ZNF254: variants seen among roughly 807,000 people sequenced by gnomAD.
The protein encoded by ZNF254 is CTD-2017D11.1.
ZNF254 carries 10 observed loss-of-function variants against 12.4 expected under a neutral mutation model. The ratio of observed to expected loss-of-function variants is 0.80; its 90% CI spans 0.50 to 1.36. ZNF254 has a LOEUF of 1.36. ZNF254 is among the 40% of genes most tolerant of loss of function. ZNF254 has a pLI of 0.00. For synonymous variants in ZNF254, 305 were observed against 253.4 expected, an observed-to-expected ratio of 1.20 and a Z score of -1.93; for missense variants, 996 against 763.9, an observed-to-expected ratio of 1.30 and a Z score of -3.58.
intron 2 of ZNF254, among the ~76,000 whole-genome samples, chr19:24,072,357 AGATG>A (rs1005618845): frequency 2.6e-5 from 4 of 151,902 alleles, no homozygotes; most frequent in African/African-American, 9.7e-5. Flanking sequence ...TTTTTCGTAG[AGATG>A]GGGTTTCGCC....
upstream of ZNF254, among the ~76,000 whole-genome samples, chr19:24,083,572 G>T (rs1205469117): frequency 6.6e-6 from 1 of 152,120 alleles, no homozygotes; most frequent in Admixed American, 6.6e-5. Flanking sequence ...TATAAAAATT[G>T]TAGAAGGTAA....
rs140185339 is a variant in ZNF254, at chr19:24,127,233, C to A, written c.1233C>A (p.Cys411Ter). The A allele has an allele frequency of 2.5e-6, 4 of 1,609,746 alleles. No individual in the cohort carries two copies. Among genetic ancestry groups the A allele is most frequent in the Non-Finnish European group, 3.4e-6 (4 of 1,178,690 alleles). Residue 411 changes from cysteine to a stop codon, truncating the protein, a stop_gained, in exon 4 of 4, where the codon TGC becomes TGA. Coordinates refer to ENST00000357002, the MANE Select transcript of ZNF254 (RefSeq NM_203282.4). LOFTEE classifies it low-confidence loss of function (END_TRUNC). Reference protein sequence around the residue: ...VGEKLYKCEECGKGFNRSSNL... With the variant: ...VGEKLYKCEE ...AGAAACTCTACAAATGTGAAGAATG[C>A]GGCAAAGGTTTTAATCGATCTTCAA...
At chr19:24,103,620 C>T (rs1489870638) in intron 1 of ZNF254, 8 of 152,198 alleles carry the variant, frequency 5.3e-5, no homozygotes, top group African/African-American at 1.9e-4. Flanking sequence ...AAGATACATT[C>T]ATTGAGTTAA....
chr19:24,084,694 C>T (rs889017723), upstream of ZNF254, among the ~76,000 whole-genome samples: 1 of 152,050 alleles, frequency 6.6e-6, no homozygotes, highest in African/African-American at 2.4e-5. Flanking sequence ...GTGGCTTAAT[C>T]AGGGCTCATT....
chr19:24,096,513 G>T (rs769439157), intron 1 of ZNF254, among the ~76,000 whole-genome samples: 3 of 152,080 alleles, frequency 2.0e-5, no homozygotes, highest in Admixed American at 6.6e-5. Flanking sequence ...TTCAGCTGTG[G>T]TCTATGTGTT....
intron 2 of ZNF254, among the ~76,000 whole-genome samples, chr19:24,064,169 A>G (rs1040128455): frequency 1.3e-5 from 2 of 152,096 alleles, no homozygotes; most frequent in Admixed American, 6.6e-5. Context: ...GCCACGTGAC[A>G]TAGCTCCTAT....
At position 24,126,695 on chromosome 19, in the gene ZNF254, A is replaced by G. The variant is rs954349732; in HGVS notation, c.695A>G (p.Tyr232Cys). ...ACCCTTACTAATCATAGGAAAATTT[A>G]TACTGAAGAGAAACCTTACAAATGT... ...SSTLTNHRKI[Y>C]TEEKPYKCEE... The change falls in exon 4 of 4, where the codon TAT (tyrosine) becomes TGT (cysteine). Residue 232 changes from tyrosine (Y) to cysteine (C), a missense_variant. By Grantham distance (194) the Tyr-to-Cys change is radical. Coordinates refer to ENST00000357002, the MANE Select transcript of ZNF254 (RefSeq NM_203282.4). The G allele has an allele frequency of 6.2e-6, 10 of 1,613,472 alleles. No individual in the cohort carries two copies. Among genetic ancestry groups the G allele is most frequent in the Admixed American group, 3.3e-5 (2 of 59,880 alleles).
At chr19:24,079,049 T>G (rs1971757026) in intron 2 of ZNF254, 1 of 152,174 alleles carries the variant, frequency 6.6e-6, no homozygotes, top group Admixed American at 6.5e-5. Flanking sequence ...AAATTGCCTC[T>G]AACGGATATT....
Position 24,127,607 on chromosome 19 carries a change from A to T in ZNF254, c.1607A>T (p.His536Leu), listed in dbSNP as rs145771489. 4 of 1,608,254 alleles carry T rather than the reference A, an allele frequency of 2.5e-6. No homozygotes were observed. The Admixed American group carries it at 6.8e-5, about 27-fold the overall frequency. ...AFNWSSTLTK[H>L]KIIHTEEKPY... ...AACTGGTCCTCAACTCTTACTAAACATAAGATAATTCATACTGAAGAGAAA... is the reference window on the plus strand; with the variant it reads ...AACTGGTCCTCAACTCTTACTAAACTTAAGATAATTCATACTGAAGAGAAA... The change falls in exon 4 of 4, where the codon CAT becomes CTT. Residue 536 changes from histidine (H) to leucine (L), a missense_variant. Transcript: ENST00000357002.
At chr19:24,058,413 C>CTTT (rs574813499) in intron 2 of ZNF254, among the ~76,000 whole-genome samples, 2 of 123,896 alleles carry the variant, frequency 1.6e-5, no homozygotes, top group Non-Finnish European at 3.5e-5. Context: ...TTCTTTCTTT[C>CTTT]TTTTTTTTTT....
chr19:24,061,871 G>T (rs1231827143), intron 2 of ZNF254, among the ~76,000 whole-genome samples: 1 of 152,106 alleles, frequency 6.6e-6, no homozygotes, highest in Non-Finnish European at 1.5e-5. Flanking sequence ...ATCACCTGAT[G>T]TCGGGAGTTC....
intron 1 of ZNF254, among the ~76,000 whole-genome samples, chr19:24,043,121 G>A (rs918988236): frequency 4.6e-5 from 7 of 151,846 alleles, no homozygotes; most frequent in Admixed American, 3.9e-4. Context: ...TATCAGTTTT[G>A]TAGGTTTTTA....
chr19:24,069,779 C>A (rs1430403188), intron 2 of ZNF254, among the ~76,000 whole-genome samples: 1 of 151,738 alleles, frequency 6.6e-6, no homozygotes, highest in African/African-American at 2.4e-5. Flanking sequence ...GGTAAAACCC[C>A]ATCTCTACTA....
At position 24,124,230 on chromosome 19, in the gene ZNF254, A is replaced by C. The variant is rs561583964; in HGVS notation, c.254-2024A>C. On this transcript the variant is annotated intron_variant, in intron 3 of 3. Transcript: ENST00000357002. ...TGGTAAATAAACTTAAGTTGCGTAC[A>C]AAAATTTGTTCTTATTATACCTTCC... Among the ~76,000 whole-genome samples, 475 of 152,048 alleles carry C rather than the reference A, an allele frequency of 3.1e-3. 5 individuals carry two copies. Among genetic ancestry groups the C allele is most frequent in the Non-Finnish European group, 4.6e-3 (312 of 67,980 alleles).
intron 1 of ZNF254, chr19:24,105,729 T>C (rs1289713989): frequency 1.4e-5 from 9 of 650,122 alleles, no homozygotes; most frequent in Non-Finnish European, 4.6e-6. Context: ...GTATCACATA[T>C]ACACTGATGT....
At position 24,129,942 on chromosome 19, in the gene ZNF254, TA is replaced by T. The variant is rs1304572874; in HGVS notation, c.*1965del. 1 of 152,092 alleles carries T rather than the reference TA, an allele frequency of 6.6e-6. No homozygotes were observed. Among genetic ancestry groups the T allele is most frequent in the Non-Finnish European group, 1.5e-5 (1 of 68,008 alleles). 9.4% of individuals were successfully genotyped at this position (152,092 alleles called of 1,614,324 possible). On this transcript the variant is annotated 3_prime_UTR_variant, in exon 4 of 4. Coordinates refer to ENST00000357002, the MANE Select transcript of ZNF254 (RefSeq NM_203282.4). Reference sequence around the variant, plus strand: ...CATAAAATTAAATATATACTTCTATTAAAGATAAACCTTAGGTGTAAATAAA... The same window carrying T: ...CATAAAATTAAATATATACTTCTATTAAGATAAACCTTAGGTGTAAATAAA...
intron 3 of ZNF254, among the ~76,000 whole-genome samples, chr19:24,114,183 A>G (rs533868262): frequency 1.4e-4 from 21 of 152,322 alleles, no homozygotes; most frequent in Admixed American, 3.9e-4. Flanking sequence ...ACTACTTTAA[A>G]GTTCACATGG....
intron 3 of ZNF254, among the ~76,000 whole-genome samples, chr19:24,121,843 C>A (rs981302270): frequency 5.9e-5 from 9 of 152,156 alleles, no homozygotes; most frequent in Admixed American, 5.9e-4. Flanking sequence ...GTGTGAGCCA[C>A]CACACCAGGC....
chr19:24,126,740 C>T lies in ZNF254; in HGVS notation c.740C>T (p.Pro247Leu), dbSNP rs1260141437. 5.6e-6 allele frequency: 9 copies of T among 1,613,036 alleles called. No homozygotes were observed. Among genetic ancestry groups the T allele is most frequent in the Non-Finnish European group, 6.8e-6 (8 of 1,179,696 alleles). The change falls in exon 4 of 4, where the codon CCT (proline) becomes CTT (leucine). Residue 247 changes from proline to leucine, a missense_variant. Coordinates refer to ENST00000357002, the MANE Select transcript of ZNF254 (RefSeq NM_203282.4). Reference sequence around the variant, plus strand: ...AAATGTGAAGAATATAACAAATCTCCTAAGCAACTCTCAACCCTTACTACA... The same window carrying T: ...AAATGTGAAGAATATAACAAATCTCTTAAGCAACTCTCAACCCTTACTACA... Reference protein sequence around the residue: ...PYKCEEYNKSPKQLSTLTTHE... With the variant: ...PYKCEEYNKSLKQLSTLTTHE...
Sources: gnomAD v4.1 joint callset for allele counts (sites outside exome capture counted in the v4.1 genomes callset) on GRCh38, gnomAD v4.1.1 for gene constraint, MANE v1.5 for transcripts, NCBI Gene and HGNC (gene_info 2026-07-23, HGNC 2026-07-21) for gene names.